Variants in MAPT observed in about 807,000 individuals in gnomAD.
MAPT encodes microtubule-associated protein tau.
In MAPT, 34 loss-of-function variants were observed where a neutral mutation model predicts 67.9. The observed-to-expected ratio is 0.50, with a 90% CI of 0.38 to 0.67. The LOEUF is 0.67. MAPT is among the 30% of genes least tolerant of loss of function. MAPT has a pLI of 0.00. For missense variants in MAPT, 881 were observed against 1,115.2 expected, an observed-to-expected ratio of 0.79 and a Z score of 2.99; for synonymous variants, 456 against 464.5, an observed-to-expected ratio of 0.98 and a Z score of 0.23.
In MAPT at chr17:45,922,013, G is replaced by A. The variant is rs1597945138; in HGVS notation, c.-18+27327G>A. 3.3e-5 allele frequency among the ~76,000 whole-genome samples: 5 copies of A among 151,910 alleles called. No individual in the cohort carries two copies. The South Asian group carries it at 6.2e-4, about 19-fold the overall frequency. ...CATAGAATGGCTGATTCTGTAACTC[G>A]GTGAGTTTGCTTTTTTTTTTTCCTC... On this transcript the variant is annotated intron_variant, in intron 1 of 12. Coordinates refer to ENST00000262410, the MANE Select transcript of MAPT (RefSeq NM_001377265.1).
intron 2 of MAPT, among the ~76,000 whole-genome samples, chr17:45,967,637 C>T (rs941207808): frequency 6.6e-6 from 1 of 152,140 alleles, no homozygotes; most frequent in Admixed American, 6.5e-5. Flanking sequence ...TCTGATCTCA[C>T]AGTGGAACTC....
At chr17:45,956,102 G>A (rs62063265) in intron 1 of MAPT, among the ~76,000 whole-genome samples, 21,825 of 152,266 alleles carry the variant, frequency 0.14, 2,135 homozygotes, top group Non-Finnish European at 0.22. Flanking sequence ...TAAGTGGCCA[G>A]GGTCTACTTA....
chr17:45,972,446 A>G (rs965600205), intron 3 of MAPT, among the ~76,000 whole-genome samples: 1 of 152,118 alleles, frequency 6.6e-6, no homozygotes, highest in Admixed American at 6.5e-5. Context: ...CTCGGCATCT[A>G]GGTTATTAGC....
At position 45,982,901 on chromosome 17, in the gene MAPT, C is replaced by T; in HGVS notation, c.322C>T (p.Pro108Ser). 1 of 1,333,852 alleles carries T rather than the reference C, an allele frequency of 7.5e-7. No homozygotes were observed. 82.6% of individuals were successfully genotyped at this position (1,333,852 alleles called of 1,614,324 possible). ...AGTTCCGGGCCGGCAGAGGAAGGCG[C>T]CTGAAAGGCCCCTGGCCAATGAGAT... The part of the protein sequence containing the change: ...LRVPGRQRKA[P>S]ERPLANEISA... Residue 108 changes from proline to serine, a missense_variant, in exon 5 of 13, where the codon CCT becomes TCT. Physicochemically the swap from Pro to Ser is moderately conservative, Grantham distance 74 (BLOSUM62 -1). Transcript: ENST00000262410.
chr17:45,931,223 AC>A (rs2066822158), intron 1 of MAPT, among the ~76,000 whole-genome samples: 1 of 152,154 alleles, frequency 6.6e-6, no homozygotes, highest in Non-Finnish European at 1.5e-5. Flanking sequence ...GCCATTTGAC[AC>A]CCAGCGCTGA....
intron 1 of MAPT, among the ~76,000 whole-genome samples, chr17:45,934,360 T>A (rs532022880): frequency 1.3e-5 from 2 of 152,290 alleles, no homozygotes; most frequent in Admixed American, 1.3e-4. Context: ...AAAAAATAAA[T>A]TAAATTTCAA....
chr17:45,934,861 T>C (rs1253137457), intron 1 of MAPT, among the ~76,000 whole-genome samples: 3 of 151,580 alleles, frequency 2.0e-5, no homozygotes, highest in African/African-American at 7.2e-5. Flanking sequence ...AGGTGGACCC[T>C]GGACCTATGG....
intron 9 of MAPT, among the ~76,000 whole-genome samples, chr17:46,006,901 C>T (rs2075469739): frequency 6.8e-6 from 1 of 146,370 alleles, no homozygotes; most frequent in Non-Finnish European, 1.5e-5. Context: ...CCAGCCTGGG[C>T]GACAAGGCAA....
chr17:45,957,066 A>G (rs936218510), intron 1 of MAPT, among the ~76,000 whole-genome samples: 7 of 152,246 alleles, frequency 4.6e-5, no homozygotes, highest in Admixed American at 4.6e-4. Flanking sequence ...ATACGTGTGC[A>G]TGTGTCTTTA....
At chr17:45,958,470 A>G (rs1426070091) in intron 1 of MAPT, among the ~76,000 whole-genome samples, 1 of 152,224 alleles carries the variant, frequency 6.6e-6, no homozygotes, top group Non-Finnish European at 1.5e-5. Flanking sequence ...CTGTAATCCC[A>G]GCACTTTGGA....
At chr17:45,944,871 C>T (rs546227878) in intron 1 of MAPT, among the ~76,000 whole-genome samples, 2 of 152,250 alleles carry the variant, frequency 1.3e-5, no homozygotes, top group African/African-American at 4.8e-5. Flanking sequence ...GATGCTGCTG[C>T]GACAGTCCCA....
Position 45,897,498 on chromosome 17 carries a change from G to A in MAPT, c.-18+2812G>A, listed in dbSNP as rs1018024538. On this transcript the variant is annotated intron_variant, in intron 1 of 12. Transcript: ENST00000262410. This position sits in a 1 kb window ranked among gnomAD's most constrained non-coding sequence, Gnocchi z 5.0. ...TCGTAGGAAACTCTATCCTGGCTCT[G>A]CGCGCGCTTTAAGGAAATGGCTTCC... 6.6e-6 allele frequency: 1 copy of A among 152,256 alleles called. No homozygotes were observed. The highest frequency in any genetic ancestry group is 2.4e-5 in the African/African-American group (1 of 41,452). The allele number at this position is 152,256 out of a possible 1,614,324, so 9.4% of individuals were successfully genotyped here.
Position 45,962,376 on chromosome 17 carries a change from T to C in MAPT, c.39T>C (p.Asp13=), listed in dbSNP as rs760999100. 8 of 1,612,300 alleles carry C rather than the reference T, an allele frequency of 5.0e-6. No individual in the cohort carries two copies. Among genetic ancestry groups the C allele is most frequent in the Non-Finnish European group, 6.8e-6 (8 of 1,179,884 alleles). Reference sequence around the variant, plus strand: ...GCCAGGAGTTCGAAGTGATGGAAGATCACGCTGGGACGTACGGGTTGGGGG... The same window carrying C: ...GCCAGGAGTTCGAAGTGATGGAAGACCACGCTGGGACGTACGGGTTGGGGG... ...EPRQEFEVME[D]HAGTYGLGDR... is the part of the protein sequence containing the mutation. The change falls in exon 2 of 13, where the codon GAT becomes GAC. Residue 13 remains aspartate, a synonymous_variant. Transcript: ENST00000262410.
chr17:45,937,993 G>A (rs1365406825), intron 1 of MAPT, among the ~76,000 whole-genome samples: 5 of 152,110 alleles, frequency 3.3e-5, no homozygotes, highest in Non-Finnish European at 5.9e-5. Context: ...TTCATGATGC[G>A]GCCACACAGC....
At chr17:45,912,238 A>G (rs1202481886) in intron 1 of MAPT, among the ~76,000 whole-genome samples, 1 of 152,258 alleles carries the variant, frequency 6.6e-6, no homozygotes, top group Non-Finnish European at 1.5e-5. Flanking sequence ...AATAATTGGC[A>G]TAGGCTGCAT....
chr17:45,925,866 C>T (rs1050444080), intron 1 of MAPT, among the ~76,000 whole-genome samples: 3 of 152,084 alleles, frequency 2.0e-5, no homozygotes, highest in African/African-American at 7.2e-5. Flanking sequence ...ATAATACATG[C>T]ATATGTTGTT....
intron 1 of MAPT, among the ~76,000 whole-genome samples, chr17:45,937,998 C>T (rs1233142843): frequency 2.6e-5 from 4 of 152,204 alleles, no homozygotes; most frequent in African/African-American, 9.7e-5. Context: ...GATGCGGCCA[C>T]ACAGCAGGTG....
rs911767632 is a variant in MAPT, at chr17:46,010,649, C to G, written c.2091+247C>G. On this transcript the variant is annotated intron_variant, in intron 10 of 12. Transcript: ENST00000262410. The surrounding 1 kb of genome is among the most constrained non-coding windows in gnomAD (Gnocchi z 4.7). ...GCATTTCTGGGTCCCCCAGCCTGCG[C>G]AGGCTGTGTGGACAGAATAGGGCAG... Among the ~76,000 whole-genome samples the G allele has an allele frequency of 6.6e-6, 1 of 152,204 alleles. No individual in the cohort carries two copies. Among genetic ancestry groups the G allele is most frequent in the East Asian group, 1.9e-4 (1 of 5,194 alleles).
intron 1 of MAPT, among the ~76,000 whole-genome samples, chr17:45,919,350 G>GCC (rs11331843): frequency 6.6e-6 from 1 of 151,438 alleles, no homozygotes; most frequent in Non-Finnish European, 1.5e-5. Context: ...AGGAAGGGGC[G>GCC]CCCCCCCCGC....
Sources: gnomAD v4.1 joint callset for allele counts (sites outside exome capture counted in the v4.1 genomes callset) on GRCh38, gnomAD v4.1.1 for gene constraint, Gnocchi (gnomAD v3.1) non-coding constraint, MANE v1.5 for transcripts, NCBI Gene and HGNC (gene_info 2026-07-23, HGNC 2026-07-21) for gene names.